DSE: variants seen among roughly 807,000 people sequenced by gnomAD.
DSE encodes dermatan sulfate epimerase.
Under a neutral mutation model 84.4 loss-of-function variants are expected in DSE, and 36 were observed. The ratio of observed to expected loss-of-function variants is 0.43; its 90% CI spans 0.33 to 0.56. DSE has a LOEUF of 0.56. Ranked by LOEUF, DSE falls within the 20% of genes least tolerant of loss-of-function variation. The pLI is 0.06. For synonymous variants in DSE, 410 were observed against 430.1 expected, an observed-to-expected ratio of 0.95 and a Z score of 0.58; for missense variants, 862 against 1,169.6, an observed-to-expected ratio of 0.74 and a Z score of 3.84.
At chr6:116,317,789 TTTGTCAC>T (rs1274094667) in intron 2 of DSE, among the ~76,000 whole-genome samples, 34 of 152,348 alleles carry the variant, frequency 2.2e-4, no homozygotes, top group African/African-American at 8.2e-4. Context: ...GTGTTGTGAA[TTTGTCAC>T]TTGGGCTTTC....
intron 2 of DSE, among the ~76,000 whole-genome samples, chr6:116,272,411 G>C (rs1247484871): frequency 6.6e-6 from 1 of 152,062 alleles, no homozygotes; most frequent in Admixed American, 6.6e-5. Flanking sequence ...TCCTTTTTTG[G>C]CAAGGGAATT....
At chr6:116,310,572 A>G (rs1775634728) in intron 2 of DSE, among the ~76,000 whole-genome samples, 1 of 152,114 alleles carries the variant, frequency 6.6e-6, no homozygotes, top group African/African-American at 2.4e-5. Context: ...AAAAAAACCA[A>G]GGAGTCATCC....
chr6:116,423,867 G>T (rs997827432), intron 2 of DSE, among the ~76,000 whole-genome samples: 5 of 152,198 alleles, frequency 3.3e-5, no homozygotes, highest in Non-Finnish European at 7.3e-5. Context: ...ACCTGAAGGT[G>T]CCATAAACTT....
intron 2 of DSE, chr6:116,423,142 G>C (rs1583214253): frequency 6.6e-6 from 1 of 152,084 alleles, no homozygotes; most frequent in African/African-American, 2.4e-5. Context: ...AGCTGTATTT[G>C]TTCTCAAACC....
At chr6:116,340,757 C>T (rs145691951) in intron 2 of DSE, among the ~76,000 whole-genome samples, 2 of 151,874 alleles carry the variant, frequency 1.3e-5, no homozygotes, top group Non-Finnish European at 2.9e-5. Context: ...TCTGTCCTTG[C>T]GATAGTTTGC....
chr6:116,285,089 C>T (rs891744274), intron 2 of DSE, among the ~76,000 whole-genome samples: 21 of 152,256 alleles, frequency 1.4e-4, no homozygotes, highest in African/African-American at 4.3e-4. Flanking sequence ...CCTGAGGACT[C>T]GCCACACTGA....
intron 1 of DSE, among the ~76,000 whole-genome samples, chr6:116,392,325 G>T (rs1020756680): frequency 1.3e-5 from 2 of 152,148 alleles, no homozygotes; most frequent in Non-Finnish European, 2.9e-5. Context: ...GCCTAACCTC[G>T]GCAACATCTG....
At chr6:116,335,342 AAG>A (rs1267908970) in intron 2 of DSE, among the ~76,000 whole-genome samples, 6 of 152,122 alleles carry the variant, frequency 3.9e-5, no homozygotes, top group Non-Finnish European at 8.8e-5. Flanking sequence ...TATAGACACA[AAG>A]AGGGGAACAA....
chr6:116,280,482 G>C (rs1188704670), intron 2 of DSE, among the ~76,000 whole-genome samples: 1 of 152,218 alleles, frequency 6.6e-6, no homozygotes, highest in Non-Finnish European at 1.5e-5. Flanking sequence ...TCAAATAAGA[G>C]TTTGTGCTGC....
chr6:116,409,530 T>G (rs998683757), intron 2 of DSE, among the ~76,000 whole-genome samples: 1 of 152,116 alleles, frequency 6.6e-6, no homozygotes, highest in African/African-American at 2.4e-5. Flanking sequence ...CCGCCCACCT[T>G]GGCCTCCCAA....
At chr6:116,410,158 G>T (rs1419185899) in intron 2 of DSE, among the ~76,000 whole-genome samples, 1 of 152,144 alleles carries the variant, frequency 6.6e-6, no homozygotes, top group Non-Finnish European at 1.5e-5. Context: ...AATAAAAGTA[G>T]AATATTATAT....
rs1033920729 is a variant in DSE at position 116,336,823 on chromosome 6, T to A, written c.-53-62375T>A. On this transcript the variant is annotated intron_variant, in intron 2 of 3. Transcript: ENST00000430252. The stretch of plus-strand genomic sequence containing the variant: ...TTATATTGTGCTCAAAATATCTGAC[T>A]ATGTATTTTAGGCTAGGTTCATAGT... Among the ~76,000 whole-genome samples the A allele has an allele frequency of 2.0e-5, 3 of 151,970 alleles. 1 individual carries two copies. Among genetic ancestry groups the A allele is most frequent in the Admixed American group, 2.0e-4 (3 of 15,258 alleles).
intron 1 of DSE, among the ~76,000 whole-genome samples, chr6:116,397,501 C>T (rs1413746573): frequency 6.6e-6 from 1 of 152,186 alleles, no homozygotes; most frequent in Non-Finnish European, 1.5e-5. Context: ...GCCACCGTGC[C>T]TGGCCGGTAT....
At chr6:116,350,292 T>C (rs1778233351) in intron 2 of DSE, among the ~76,000 whole-genome samples, 1 of 152,212 alleles carries the variant, frequency 6.6e-6, no homozygotes, top group South Asian at 2.1e-4. Flanking sequence ...GGTATGGGCC[T>C]ACATTATTCT....
chr6:116,369,188 T>C (rs151088509), upstream of DSE, among the ~76,000 whole-genome samples: 1 of 152,308 alleles, frequency 6.6e-6, no homozygotes, highest in Non-Finnish European at 1.5e-5. Context: ...GGGTCCCCAT[T>C]GGAAAGAATT....
At chr6:116,278,906 C>T (rs1389031621) in intron 2 of DSE, 1 of 1,614,030 alleles carries the variant, frequency 6.2e-7, no homozygotes, top group Non-Finnish European at 8.5e-7. Context: ...AGTTCCTTCA[C>T]CTCTAAATTG....
intron 1 of DSE, chr6:116,256,522 A>T (rs1772149661): frequency 6.6e-6 from 1 of 152,224 alleles, no homozygotes; most frequent in African/African-American, 2.4e-5. Context: ...CCAAAATGTT[A>T]TGCAGCAAAT....
intron 2 of DSE, among the ~76,000 whole-genome samples, chr6:116,273,205 G>A (rs1749045435): frequency 6.6e-6 from 1 of 152,074 alleles, no homozygotes; most frequent in Admixed American, 6.5e-5. Context: ...AGACATATAG[G>A]TGTTCACAAA....
Position 116,417,519 on chromosome 6 carries a change from G to A in DSE, c.417-9055G>A, listed in dbSNP as rs193254807. Among the ~76,000 whole-genome samples, 226 of 151,782 alleles carry A rather than the reference G, an allele frequency of 1.5e-3. 3 individuals carry two copies. Among genetic ancestry groups the A allele is most frequent in the African/African-American group, 4.8e-3 (197 of 41,362 alleles). On this transcript the variant is annotated intron_variant, in intron 2 of 5. Coordinates refer to ENST00000644252, the MANE Select transcript of DSE (RefSeq NM_013352.4). ...ACTCCTCAGTATTCTGCTTGAGTGG[G>A]GCCAAGTTGACTTAAATTTTATATA...
Sources: gnomAD v4.1 joint callset for allele counts (sites outside exome capture counted in the v4.1 genomes callset) on GRCh38, gnomAD v4.1.1 for gene constraint, MANE v1.5 for transcripts, NCBI Gene and HGNC (gene_info 2026-07-23, HGNC 2026-07-21) for gene names.